The following SLTM variants were observed in gnomAD, a reference collection of about 807,000 sequenced individuals.
The protein encoded by SLTM is SAFB like transcription modulator.
SLTM carries 43 observed loss-of-function variants against 134.6 expected under a neutral mutation model. The observed-to-expected ratio is 0.32, with a 90% confidence interval of 0.25 to 0.41. SLTM has a LOEUF of 0.41. Among genes scored for constraint, SLTM ranks in the 10% least tolerant of loss-of-function variants. The pLI is 1.00. For synonymous variants in SLTM, 424 were observed against 432.3 expected, an observed-to-expected ratio of 0.98 and a Z score of 0.24; for missense variants, 1,055 against 1,288.8, an observed-to-expected ratio of 0.82 and a Z score of 2.78.
chr15:58,885,383 TCTC>T (rs748118984), intron 19 of SLTM, among the ~76,000 whole-genome samples: 9 of 152,232 alleles, frequency 5.9e-5, no homozygotes, highest in South Asian at 4.1e-4. Context: ...GGATACAAGA[TCTC>T]CTCCTCAGGA....
chr15:58,933,381 T>C (rs1165279191), intron 1 of SLTM, 23 bp downstream of exon 1: 2 of 1,569,900 alleles, frequency 1.3e-6, no homozygotes, highest in African/African-American at 1.4e-5. Context: ...TCCCGGTCCT[T>C]TCCGGTCCTC....
intron 2 of SLTM, among the ~76,000 whole-genome samples, chr15:58,926,212 T>C (rs1453440434): frequency 6.6e-6 from 1 of 152,160 alleles, no homozygotes; most frequent in Non-Finnish European, 1.5e-5. Context: ...GACAAGTGAA[T>C]CTATTTACAG....
chr15:58,915,436 C>A (rs954493070), intron 3 of SLTM, among the ~76,000 whole-genome samples: 2 of 152,106 alleles, frequency 1.3e-5, no homozygotes, highest in African/African-American at 4.8e-5. Context: ...AGATTTTTTA[C>A]TGAGTCACAA....
chr15:58,924,133 C>A (rs1407888471), intron 2 of SLTM, among the ~76,000 whole-genome samples: 2 of 151,986 alleles, frequency 1.3e-5, no homozygotes, highest in Non-Finnish European at 2.9e-5. Flanking sequence ...AACTTTTACG[C>A]TTTGAGGAAA....
chr15:58,906,533 T>C (rs1314187450), intron 5 of SLTM, among the ~76,000 whole-genome samples: 1 of 152,216 alleles, frequency 6.6e-6, no homozygotes, highest in Non-Finnish European at 1.5e-5. Context: ...AAGTATTTAC[T>C]ACATATCCAA....
intron 16 of SLTM, chr15:58,888,998 G>A (rs2034446938): frequency 5.4e-6 from 1 of 186,766 alleles, no homozygotes; most frequent in Non-Finnish European, 1.1e-5. Context: ...AATCAACTCA[G>A]TTTCATAGAA....
At chr15:58,895,487 G>A (rs2035014336) in intron 9 of SLTM, among the ~76,000 whole-genome samples, 2 of 152,130 alleles carry the variant, frequency 1.3e-5, no homozygotes, top group East Asian at 1.9e-4. Context: ...AGAACGATTC[G>A]GTGCTGAACA....
At chr15:58,897,476 A>G in intron 8 of SLTM, 1 of 362,542 alleles carries the variant, frequency 2.8e-6, no homozygotes, top group Middle Eastern at 8.4e-4. Context: ...AATCAATTAC[A>G]TGTCTCAGAC....
chr15:58,880,699 G>C (rs1189168612), intron 20 of SLTM, among the ~76,000 whole-genome samples: 1 of 152,140 alleles, frequency 6.6e-6, no homozygotes, highest in Non-Finnish European at 1.5e-5. Flanking sequence ...AGAGTAGCTA[G>C]GACTACAGGC....
chr15:58,889,619 C>A, intron 15 of SLTM, 65 bp from the exon 16 acceptor site: 1 of 1,592,038 alleles, frequency 6.3e-7, no homozygotes, highest in Non-Finnish European at 8.6e-7. Context: ...AGTATACATG[C>A]AACCTTGTTT....
intron 2 of SLTM, among the ~76,000 whole-genome samples, chr15:58,931,623 T>C (rs1285121885): frequency 6.6e-6 from 1 of 152,202 alleles, no homozygotes; most frequent in Non-Finnish European, 1.5e-5. Context: ...GTTATTCAAA[T>C]AAAGGTTTCA....
chr15:58,880,068 G>A lies in SLTM; in HGVS notation c.3036C>T (p.Gly1012=). ...SPINRIVQIS[G]NSMPRGSGSG... is the part of the protein sequence containing the mutation. ...AGCCACTTCCTCTTGGCATGGAATTGCCACTGATTTGTACAATTCTATTAA... is the reference window on the plus strand; with the variant it reads ...AGCCACTTCCTCTTGGCATGGAATTACCACTGATTTGTACAATTCTATTAA... The change falls in exon 21 of 21, where the codon GGC becomes GGT. Residue 1012 remains glycine (G), a synonymous_variant. Transcript: ENST00000380516. 1 of 1,614,048 alleles carries A rather than the reference G, an allele frequency of 6.2e-7. No homozygotes were observed. The highest frequency in any genetic ancestry group is 1.1e-5 in the South Asian group (1 of 91,068).
chr15:58,885,122 G>C (rs2034074106), intron 19 of SLTM, among the ~76,000 whole-genome samples: 1 of 152,190 alleles, frequency 6.6e-6, no homozygotes, highest in South Asian at 2.1e-4. Flanking sequence ...CAGGAGTTGT[G>C]AACTTATTTT....
rs1444638650 is a variant in SLTM, at chr15:58,880,054, C to T, written c.3050G>A (p.Arg1017Lys). Residue 1017 changes from arginine to lysine, a missense_variant, in exon 21 of 21, where the codon AGA (arginine) becomes AAA (lysine). Arg to Lys is a conservative substitution (Grantham distance 26, BLOSUM62 2). Transcript: ENST00000380516. ...TGGCTTAAATCCGGAGCCACTTCCT[C>T]TTGGCATGGAATTGCCACTGATTTG... The part of the protein sequence containing the change: ...IVQISGNSMP[R>K]GSGSGFKPFK... The T allele has an allele frequency of 1.7e-5, 28 of 1,614,122 alleles. No homozygotes were observed. Among genetic ancestry groups the T allele is most frequent in the Non-Finnish European group, 2.2e-5 (26 of 1,180,034 alleles).
chr15:58,894,708 T>TG (rs1196695604), intron 9 of SLTM, 126 bp from the exon 10 acceptor site: 5 of 796,126 alleles, frequency 6.3e-6, no homozygotes, highest in Non-Finnish European at 9.1e-6. Flanking sequence ...GTCTCATGTT[T>TG]TTTTTTTTTT....
chr15:58,902,130 A>G (rs1333105702), intron 5 of SLTM, among the ~76,000 whole-genome samples: 2 of 152,228 alleles, frequency 1.3e-5, no homozygotes, highest in Non-Finnish European at 1.5e-5. Context: ...AAATAATGCA[A>G]ACATCACTGA....
intron 3 of SLTM, among the ~76,000 whole-genome samples, chr15:58,915,695 G>A (rs1457357821): frequency 6.6e-6 from 1 of 152,044 alleles, no homozygotes; most frequent in African/African-American, 2.4e-5. Flanking sequence ...CATCTTTTGG[G>A]GGTGGGGTTG....
intron 2 of SLTM, among the ~76,000 whole-genome samples, chr15:58,931,550 C>T (rs528559326): frequency 1.3e-5 from 2 of 152,128 alleles, no homozygotes; most frequent in Admixed American, 6.5e-5. Flanking sequence ...TAGGTAAAGA[C>T]CAGAATCCAG....
rs748593299 is a variant in SLTM at position 58,888,439 on chromosome 15, C to T, written c.2321G>A (p.Arg774Gln). The T allele has an allele frequency of 3.1e-5, 50 of 1,613,500 alleles. No individual in the cohort carries two copies. The highest frequency in any genetic ancestry group is 4.2e-5 in the Non-Finnish European group (50 of 1,179,894). Residue 774 changes from arginine (R) to glutamine (Q), a missense_variant, in exon 17 of 21, where the codon CGA (arginine) becomes CAA (glutamine). Physicochemically the swap from Arg to Gln is conservative, Grantham distance 43 (BLOSUM62 1). Coordinates refer to ENST00000380516, the MANE Select transcript of SLTM (RefSeq NM_024755.4). ...QQNRFNDFDH[R>Q]ERGRFPESSA... ...ACTCTCAGGAAACCTGCCCCTCTCTCGGTGATCAAAGTCATTAAATCTGTT... is the reference window on the plus strand; with the variant it reads ...ACTCTCAGGAAACCTGCCCCTCTCTTGGTGATCAAAGTCATTAAATCTGTT...
Sources: allele counts gnomAD v4.1 joint callset (sites outside exome capture counted in the v4.1 genomes callset), GRCh38; gene constraint gnomAD v4.1.1; transcripts MANE v1.5; gene names NCBI Gene and HGNC (gene_info 2026-07-23, HGNC 2026-07-21).